The following SORCS1 variants were observed in gnomAD, a reference collection of about 807,000 sequenced individuals.
SORCS1 encodes the protein sortilin related VPS10 domain containing receptor 1.
In SORCS1, 60 loss-of-function variants were observed where a neutral mutation model predicts 146.1. The observed-to-expected ratio is 0.41, with a 90% CI of 0.33 to 0.51. The LOEUF (loss-of-function observed/expected upper bound fraction) is 0.51. Ranked by LOEUF, SORCS1 falls within the 20% of genes least tolerant of loss-of-function variation. The pLI is 0.21. For synonymous variants in SORCS1, 637 were observed against 584.0 expected (o/e 1.09, Z -1.31); for missense variants, 1,352 against 1,487.6 (o/e 0.91, Z 1.50).
chr10:106,607,663 G>T (rs916736877), intron 22 of SORCS1, among the ~76,000 whole-genome samples: 1 of 152,166 alleles, frequency 6.6e-6, no homozygotes, highest in Non-Finnish European at 1.5e-5. Flanking sequence ...GTAGGGCCTG[G>T]GGATTCAAAT....
At chr10:106,995,069 T>A (rs1405662887) in intron 1 of SORCS1, among the ~76,000 whole-genome samples, 1 of 151,826 alleles carries the variant, frequency 6.6e-6, no homozygotes, top group Non-Finnish European at 1.5e-5. Context: ...TCCCAGCACT[T>A]TGGGAGGCCG....
chr10:107,062,078 G>C (rs1038396954), intron 1 of SORCS1, among the ~76,000 whole-genome samples: 1 of 152,088 alleles, frequency 6.6e-6, no homozygotes. Flanking sequence ...TAGATGAGGA[G>C]ACACATAAAG....
intron 2 of SORCS1, among the ~76,000 whole-genome samples, chr10:106,890,176 C>T (rs1951175662): frequency 6.6e-6 from 1 of 152,146 alleles, no homozygotes; most frequent in African/African-American, 2.4e-5. Flanking sequence ...ATGCACTATT[C>T]TTCCTTGTTG....
intron 1 of SORCS1, among the ~76,000 whole-genome samples, chr10:107,078,553 C>A (rs1037705010): frequency 6.6e-6 from 1 of 152,188 alleles, no homozygotes; most frequent in Non-Finnish European, 1.5e-5. Context: ...TGCCTTTGTT[C>A]TGGACACACC....
At chr10:106,601,771 C>T (rs1846256711) in intron 23 of SORCS1, among the ~76,000 whole-genome samples, 1 of 152,194 alleles carries the variant, frequency 6.6e-6, no homozygotes, top group African/African-American at 2.4e-5. Context: ...CATTTCCATT[C>T]ATTACATACA....
At chr10:106,645,860 A>G (rs1158834147) in intron 18 of SORCS1, among the ~76,000 whole-genome samples, 1 of 152,156 alleles carries the variant, frequency 6.6e-6, no homozygotes, top group Admixed American at 6.5e-5. Context: ...TAGCTTATTG[A>G]AAACGTATTA....
intron 1 of SORCS1, among the ~76,000 whole-genome samples, chr10:107,026,813 A>C (rs1958426198): frequency 6.6e-6 from 1 of 151,940 alleles, no homozygotes; most frequent in Admixed American, 6.6e-5. Context: ...ACATGAGTCA[A>C]CTTGTACATC....
At chr10:106,834,335 A>T (rs1223136910) in intron 2 of SORCS1, among the ~76,000 whole-genome samples, 1 of 152,246 alleles carries the variant, frequency 6.6e-6, no homozygotes, top group Non-Finnish European at 1.5e-5. Context: ...AGAACAAAAA[A>T]TATTGAGAAA....
chr10:106,941,930 T>A (rs1036543004), intron 2 of SORCS1, among the ~76,000 whole-genome samples: 3 of 152,292 alleles, frequency 2.0e-5, no homozygotes, highest in Admixed American at 1.3e-4. Context: ...ATAACCAGGA[T>A]GGAGAAGGCT....
At chr10:106,912,481 T>C (rs1197234836) in intron 2 of SORCS1, among the ~76,000 whole-genome samples, 1 of 152,122 alleles carries the variant, frequency 6.6e-6, no homozygotes, top group East Asian at 1.9e-4. Flanking sequence ...GGAATTTGCA[T>C]TTCAATAGGT....
chr10:106,925,554 C>G (rs1952972271), intron 2 of SORCS1, among the ~76,000 whole-genome samples: 1 of 152,206 alleles, frequency 6.6e-6, no homozygotes, highest in African/African-American at 2.4e-5. Context: ...GATTGAGTCT[C>G]TCCAATGCCA....
chr10:106,714,135 CA>C (rs56275056), intron 6 of SORCS1, among the ~76,000 whole-genome samples: 2,521 of 52,730 alleles, frequency 0.048, 21 homozygotes, highest in African/African-American at 0.14. Flanking sequence ...AACTCTGCCT[CA>C]AAAAAAAAAA....
intron 3 of SORCS1, among the ~76,000 whole-genome samples, chr10:106,819,815 T>A (rs1203200136): frequency 2.6e-5 from 4 of 152,212 alleles, no homozygotes; most frequent in Non-Finnish European, 4.4e-5. Context: ...AAAGTCTTAA[T>A]AAGTTCCTGG....
In SORCS1 at chr10:107,164,575, G is replaced by A. The variant is rs1157630989; in HGVS notation, c.-49C>T. 3.1e-6 allele frequency: 4 copies of A among 1,306,984 alleles called. No individual in the cohort carries two copies. Among genetic ancestry groups the A allele is most frequent in the Non-Finnish European group, 2.9e-6 (3 of 1,028,626 alleles). 81.0% of individuals were successfully genotyped at this position (1,306,984 alleles called of 1,614,324 possible). On this transcript the variant is annotated 5_prime_UTR_variant, in exon 1 of 26. Coordinates refer to ENST00000263054, the MANE Select transcript of SORCS1 (RefSeq NM_052918.5). This position sits in a 1 kb window ranked among gnomAD's most constrained non-coding sequence, Gnocchi z 6.8. ...AGAGGGGTCCCAGAACGAAGGTGGC[G>A]GCACGAGCTCTGCGCTGGCGGCTGT...
At chr10:107,122,812 T>A (rs1328479468) in intron 1 of SORCS1, among the ~76,000 whole-genome samples, 1 of 152,080 alleles carries the variant, frequency 6.6e-6, no homozygotes, top group African/African-American at 2.4e-5. Context: ...GAATTGGGCA[T>A]GAAGAGGAAA....
chr10:106,907,133 A>G (rs1951942972), intron 2 of SORCS1, among the ~76,000 whole-genome samples: 1 of 152,178 alleles, frequency 6.6e-6, no homozygotes, highest in African/African-American at 2.4e-5. Context: ...AACTGTGTAC[A>G]TGGTTTTGCA....
intron 5 of SORCS1, among the ~76,000 whole-genome samples, chr10:106,755,113 G>C (rs1386555311): frequency 6.6e-6 from 1 of 152,200 alleles, no homozygotes; most frequent in Non-Finnish European, 1.5e-5. Context: ...TTGGCTTTTG[G>C]CAGGAGGTTT....
chr10:106,648,958 G>A (rs1311127681), intron 18 of SORCS1, among the ~76,000 whole-genome samples: 2 of 152,074 alleles, frequency 1.3e-5, no homozygotes, highest in African/African-American at 4.8e-5. Context: ...ATGCCAGCAG[G>A]CCACCGACCA....
At chr10:106,883,008 G>A (rs371433074) in intron 2 of SORCS1, among the ~76,000 whole-genome samples, 2 of 152,280 alleles carry the variant, frequency 1.3e-5, no homozygotes. Flanking sequence ...GACTACAAAA[G>A]CCGTATGATT....
Sources: gnomAD v4.1 joint callset for allele counts (sites outside exome capture counted in the v4.1 genomes callset) on GRCh38, gnomAD v4.1.1 for gene constraint, Gnocchi (gnomAD v3.1) non-coding constraint, MANE v1.5 for transcripts, NCBI Gene and HGNC (gene_info 2026-07-23, HGNC 2026-07-21) for gene names.